The following ZNF490 variants were observed in gnomAD, a reference collection of about 807,000 sequenced individuals.
The protein encoded by ZNF490 is zinc finger protein 490.
In ZNF490, 11 loss-of-function variants were observed where a neutral mutation model predicts 17.7. That is an observed-to-expected ratio of 0.62 (90% CI 0.39 to 1.03). The LOEUF (loss-of-function observed/expected upper bound fraction) is 1.03, where lower values mean the gene tolerates loss of function less well. Ranked by LOEUF, ZNF490 falls within the 50% of genes least tolerant of loss-of-function variation. The probability of loss-of-function intolerance (pLI) is 0.00; values close to 1 mark genes in which losing one functional copy is unlikely to be tolerated. For synonymous variants in ZNF490, 222 were observed against 216.1 expected (o/e 1.03, Z -0.24); for missense variants, 542 against 643.4 (o/e 0.84, Z 1.71).
chr19:12,582,108 G>A (rs1599305151), intron 4 of ZNF490, among the ~76,000 whole-genome samples: 1 of 151,836 alleles, frequency 6.6e-6, no homozygotes, highest in African/African-American at 2.4e-5. Flanking sequence ...TTTTTTAGTA[G>A]AGACGGGGTC....
At chr19:12,601,523 G>A (rs1390657500) in intron 2 of ZNF490, among the ~76,000 whole-genome samples, 4 of 152,088 alleles carry the variant, frequency 2.6e-5, no homozygotes, top group Admixed American at 6.6e-5. Flanking sequence ...TCAAGCAGCT[G>A]GGACTACAGG....
At position 12,579,050 on chromosome 19, in the gene ZNF490, A is replaced by G. The variant is rs143731940; in HGVS notation, c.*1435T>C. 2,026 of 506,048 alleles carry G rather than the reference A, an allele frequency of 4.0e-3. 74 individuals carry two copies. In the East Asian group the frequency reaches 0.11, roughly 28 times the overall value. 31.3% of individuals were successfully genotyped at this position (506,048 alleles called of 1,614,324 possible). ...GGGCGGATCACGAGGTCAGGAGATC[A>G]AGACTATCCTGGCTAACACGGTGAA... On this transcript the variant is annotated 3_prime_UTR_variant, in exon 5 of 5. Transcript: ENST00000311437.
chr19:12,600,094 G>A (rs1056672429), intron 2 of ZNF490, among the ~76,000 whole-genome samples: 5 of 152,172 alleles, frequency 3.3e-5, no homozygotes, highest in Admixed American at 1.3e-4. Context: ...CAGGCGCCGT[G>A]GCTCACGCCT....
At chr19:12,583,075 G>A (rs568991822) in intron 3 of ZNF490, among the ~76,000 whole-genome samples, 165 bp from the exon 4 acceptor site, 9 of 146,002 alleles carry the variant, frequency 6.2e-5, no homozygotes, top group Non-Finnish European at 9.0e-5. Context: ...ACAGAGTCTC[G>A]CTGTTGCCCA....
At chr19:12,610,422 G>A (rs961584368) in intron 1 of ZNF490, 142 bp downstream of exon 1, 1 of 716,666 alleles carries the variant, frequency 1.4e-6, no homozygotes, top group Non-Finnish European at 2.4e-6. Context: ...GGAAAAGAAA[G>A]GTGGACGCCT....
At chr19:12,599,165 AAG>A (rs1396072844) in intron 2 of ZNF490, among the ~76,000 whole-genome samples, 9 of 147,792 alleles carry the variant, frequency 6.1e-5, no homozygotes, top group Non-Finnish European at 1.2e-4. Flanking sequence ...AAAAAAAAGA[AAG>A]AAAGAAAAGA....
At chr19:12,600,678 A>G (rs2022992005) in intron 2 of ZNF490, among the ~76,000 whole-genome samples, 1 of 152,100 alleles carries the variant, frequency 6.6e-6, no homozygotes, top group Admixed American at 6.6e-5. Flanking sequence ...CTACCCTAAA[A>G]CTTTGTCATC....
At chr19:12,593,246 GTT>G (rs201630407) in intron 2 of ZNF490, among the ~76,000 whole-genome samples, 2 of 143,530 alleles carry the variant, frequency 1.4e-5, no homozygotes, top group African/African-American at 2.5e-5. Context: ...AGTTTTGTGG[GTT>G]TTTTTTTTTT....
chr19:12,580,361 G>A lies in ZNF490; in HGVS notation c.*124C>T, dbSNP rs2022711637. 2.0e-6 allele frequency: 3 copies of A among 1,467,614 alleles called. No homozygotes were observed. The East Asian group carries it at 6.9e-5, about 34-fold the overall frequency. 90.9% of individuals were successfully genotyped at this position (1,467,614 alleles called of 1,614,324 possible). ...TGCCGCATGAGTCACGTCTTCAAAG[G>A]GAATTAGGACAACTGAAGGCTTAAT... is the stretch of plus-strand genomic sequence containing the variant. On this transcript the variant is annotated 3_prime_UTR_variant, in exon 5 of 5. Transcript: ENST00000311437.
At chr19:12,601,293 C>A (rs1599312334) in intron 2 of ZNF490, among the ~76,000 whole-genome samples, 1 of 151,234 alleles carries the variant, frequency 6.6e-6, no homozygotes, top group South Asian at 2.1e-4. Flanking sequence ...GAGGCTGAGG[C>A]AGGAGAATGG....
chr19:12,581,442 G>T lies in ZNF490; in HGVS notation c.633C>A (p.Thr211=). The change falls in exon 5 of 5, where the codon ACC becomes ACA. Residue 211 remains threonine (T), a synonymous_variant. Transcript: ENST00000311437. ...TCTCTCCAGTGTGAATTCTTTCATG[G>T]GTTCGAATACTGGAGCTGCGAGTGA... is the stretch of plus-strand genomic sequence containing the variant. The part of the protein sequence containing the change: ...KTFTRSSSIR[T]HERIHTGEKP... 6.2e-7 allele frequency: 1 copy of T among 1,614,164 alleles called. No homozygotes were observed.
intron 2 of ZNF490, among the ~76,000 whole-genome samples, chr19:12,593,558 C>G (rs2022897049): frequency 6.6e-6 from 1 of 152,062 alleles, no homozygotes; most frequent in Admixed American, 6.6e-5. Context: ...CCTAATATTC[C>G]CAGAGTTCTT....
rs73002345 is a variant in ZNF490, at chr19:12,592,449, A to G, written c.163-8893T>C. ...ACCTTGACTTGAACATATATTATTAAGTGAAAGAAGCCAATCTAAATGGTT... is the reference window on the plus strand; with the variant it reads ...ACCTTGACTTGAACATATATTATTAGGTGAAAGAAGCCAATCTAAATGGTT... On this transcript the variant is annotated intron_variant, in intron 2 of 4. Transcript: ENST00000311437. Among the ~76,000 whole-genome samples the G allele has an allele frequency of 5.3e-3, 800 of 152,246 alleles. 4 individuals carry two copies. Among genetic ancestry groups the G allele is most frequent in the Non-Finnish European group, 8.1e-3 (548 of 68,008 alleles).
intron 1 of ZNF490, 127 bp downstream of exon 1, chr19:12,610,437 G>A: frequency 3.7e-6 from 3 of 814,642 alleles, no homozygotes; most frequent in Non-Finnish European, 6.1e-6. Flanking sequence ...ACGCCTCAAC[G>A]CTGTTATGGT....
Position 12,583,446 on chromosome 19 carries a change from C to T in ZNF490, c.273G>A (p.Lys91=), listed in dbSNP as rs373138394. Residue 91 remains lysine (K), a synonymous_variant, in exon 3 of 5, where the codon AAG becomes AAA. Transcript: ENST00000311437. ...CACCCTTACCTATACAGGCCAGGTT[C>T]TTGAAGGTTGCCCGCATCACATCTC... is the stretch of plus-strand genomic sequence containing the variant. ...IYRDVMRATF[K]NLACIGEKWK... 3 of 1,604,138 alleles carry T rather than the reference C, an allele frequency of 1.9e-6. No homozygotes were observed. Among genetic ancestry groups the T allele is most frequent in the Non-Finnish European group, 2.6e-6 (3 of 1,173,696 alleles).
rs778951368 is a variant in ZNF490, at chr19:12,577,229, G to C, written c.*3256C>G. 1.5e-4 allele frequency among the ~76,000 whole-genome samples: 23 copies of C among 151,940 alleles called. No homozygotes were observed. The highest frequency in any genetic ancestry group is 2.9e-4 in the Non-Finnish European group (20 of 68,002). On this transcript the variant is annotated 3_prime_UTR_variant, in exon 5 of 5. Coordinates refer to ENST00000311437, the MANE Select transcript of ZNF490 (RefSeq NM_020714.3). ...ACTCACACAGACACATACACAAAAG[G>C]GTTTTACAAAAACATCATCATAGAC...
rs370938352 is a variant in ZNF490, at chr19:12,577,954, C to T, written c.*2531G>A. On this transcript the variant is annotated 3_prime_UTR_variant, in exon 5 of 5. Coordinates refer to ENST00000311437, the MANE Select transcript of ZNF490 (RefSeq NM_020714.3). ...TATGCAATTCAGAAAACGGAGAATT[C>T]GGAGGCTCCAGCAAGCAGTTTATTG... The T allele has an allele frequency of 1.0e-6, 1 of 985,418 alleles. No individual in the cohort carries two copies. The highest frequency in any genetic ancestry group is 1.2e-6 in the Non-Finnish European group (1 of 829,948). The allele number at this position is 985,418 out of a possible 1,614,324, so 61.0% of individuals were successfully genotyped here.
intron 2 of ZNF490, among the ~76,000 whole-genome samples, chr19:12,600,699 T>C (rs944349024): frequency 6.6e-6 from 1 of 152,246 alleles, no homozygotes; most frequent in Non-Finnish European, 1.5e-5. Context: ...CATAAATAAT[T>C]GTTGTCTTGT....
Position 12,578,568 on chromosome 19 carries a change from T to C in ZNF490, c.*1917A>G, listed in dbSNP as rs1223300194. 1.0e-6 allele frequency: 1 copy of C among 985,324 alleles called. No individual in the cohort carries two copies. The highest frequency in any genetic ancestry group is 1.2e-6 in the Non-Finnish European group (1 of 829,960). The allele number at this position is 985,324 out of a possible 1,614,324, so 61.0% of individuals were successfully genotyped here. ...TGACCTCAAAACAGCCCTGGAATAA[T>C]GCAATGCTGACAATGTCTGTGAATT... On this transcript the variant is annotated 3_prime_UTR_variant, in exon 5 of 5. Coordinates refer to ENST00000311437, the MANE Select transcript of ZNF490 (RefSeq NM_020714.3).
Sources: allele counts gnomAD v4.1 joint callset (sites outside exome capture counted in the v4.1 genomes callset), GRCh38; gene constraint gnomAD v4.1.1; transcripts MANE v1.5; gene names NCBI Gene and HGNC (gene_info 2026-07-23, HGNC 2026-07-21).